DOCK10: variants seen among roughly 807,000 people sequenced by gnomAD.
DOCK10 encodes the protein dedicator of cytokinesis protein 10.
A neutral mutation model predicts 280.1 loss-of-function variants in DOCK10; 145 were observed. That is an observed-to-expected ratio of 0.52 (90% CI 0.45 to 0.59). DOCK10 has a LOEUF of 0.59. Among genes scored for constraint, DOCK10 ranks in the 20% least tolerant of loss-of-function variants. The pLI is 0.00. For synonymous variants in DOCK10, 915 were observed against 942.2 expected (o/e 0.97, Z 0.53); for missense variants, 2,368 against 2,651.7 (o/e 0.89, Z 2.35).
chr2:225,015,769 G>A (rs1036743800), intron 1 of DOCK10, among the ~76,000 whole-genome samples: 5 of 152,058 alleles, frequency 3.3e-5, no homozygotes, highest in South Asian at 2.1e-4. Context: ...TTGTGTTGCC[G>A]TTTCATTTCT....
chr2:224,851,217 A>G (rs1696706867), intron 18 of DOCK10, among the ~76,000 whole-genome samples: 1 of 152,148 alleles, frequency 6.6e-6, no homozygotes, highest in Admixed American at 6.6e-5. Flanking sequence ...GCTTTGCTGT[A>G]TCTCTGTGTG....
chr2:224,862,833 A>G (rs1004539360), intron 13 of DOCK10, 87 bp from the exon 14 acceptor site: 7 of 835,522 alleles, frequency 8.4e-6, no homozygotes, highest in Non-Finnish European at 1.2e-5. Context: ...TTTTCATATT[A>G]TTTTATACTG....
At chr2:224,816,309 G>A (rs769845582) in intron 30 of DOCK10, among the ~76,000 whole-genome samples, 12 of 151,068 alleles carry the variant, frequency 7.9e-5, no homozygotes, top group Non-Finnish European at 1.5e-4. Flanking sequence ...TTTGGAGCCC[G>A]TAAAGTGCCT....
Position 224,886,458 on chromosome 2 carries a change from C to T in DOCK10, c.489+1G>A. 6.2e-7 allele frequency: 1 copy of T among 1,609,278 alleles called. No individual in the cohort carries two copies. The highest frequency in any genetic ancestry group is 8.5e-7 in the Non-Finnish European group (1 of 1,177,026). ...CATCTCACTTTCAACTATTTACTTA[C>T]TTCATCCTTATCAGCATCTTCATGG... On this transcript the variant is annotated splice_donor_variant, in intron 5 of 55. Coordinates refer to ENST00000258390, the MANE Select transcript of DOCK10 (RefSeq NM_014689.3). LOFTEE classifies it high-confidence loss of function.
intron 11 of DOCK10, among the ~76,000 whole-genome samples, chr2:224,865,581 G>A (rs566912509): frequency 2.6e-5 from 4 of 152,220 alleles, no homozygotes; most frequent in Non-Finnish European, 4.4e-5. Context: ...CATTAGTGTC[G>A]CAGATACATA....
At chr2:224,767,045 T>TG (rs1690115048) in intron 55 of DOCK10, among the ~76,000 whole-genome samples, 3 of 152,204 alleles carry the variant, frequency 2.0e-5, no homozygotes, top group Non-Finnish European at 4.4e-5. Context: ...CATATGTAGC[T>TG]GAAACAGCAG....
chr2:224,954,979 A>G (rs1703956980), intron 1 of DOCK10, among the ~76,000 whole-genome samples: 1 of 152,206 alleles, frequency 6.6e-6, no homozygotes, highest in Non-Finnish European at 1.5e-5. Flanking sequence ...TTATCTTTTT[A>G]TCTTATAGGG....
At chr2:224,835,701 T>C (rs767441390) in intron 25 of DOCK10, among the ~76,000 whole-genome samples, 2 of 152,232 alleles carry the variant, frequency 1.3e-5, no homozygotes, top group African/African-American at 4.8e-5. Context: ...GACTAGAATC[T>C]AGTCTCTTAC....
At chr2:224,799,937 G>A (rs559417414) in intron 41 of DOCK10, among the ~76,000 whole-genome samples, 4 of 152,282 alleles carry the variant, frequency 2.6e-5, no homozygotes, top group African/African-American at 9.6e-5. Context: ...TGACAATAGT[G>A]AAATGCACAC....
At chr2:224,960,951 G>A (rs1189728557) in intron 1 of DOCK10, among the ~76,000 whole-genome samples, 3 of 151,584 alleles carry the variant, frequency 2.0e-5, no homozygotes, top group African/African-American at 7.3e-5. Context: ...TGTTAGCCAG[G>A]ATGGTCTCGA....
intron 1 of DOCK10, among the ~76,000 whole-genome samples, chr2:224,972,430 G>GCATT (rs1427470547): frequency 2.0e-5 from 3 of 151,962 alleles, no homozygotes; most frequent in Non-Finnish European, 4.4e-5. Flanking sequence ...GATATGGCTT[G>GCATT]CATTCATTCA....
intron 11 of DOCK10, among the ~76,000 whole-genome samples, chr2:224,870,487 C>A (rs1303924059): frequency 6.6e-6 from 1 of 152,150 alleles, no homozygotes; most frequent in East Asian, 1.9e-4. Context: ...GCTGCTCTTG[C>A]CATAGTCATC....
At chr2:224,783,919 C>T (rs138041643) in intron 50 of DOCK10, among the ~76,000 whole-genome samples, 47 of 152,118 alleles carry the variant, frequency 3.1e-4, no homozygotes, top group African/African-American at 9.4e-4. Flanking sequence ...ATATTAAATG[C>T]TTTCTCTTTC....
At chr2:224,827,719 A>AT (rs1483013885) in intron 27 of DOCK10, among the ~76,000 whole-genome samples, 1 of 152,158 alleles carries the variant, frequency 6.6e-6, no homozygotes, top group African/African-American at 2.4e-5. Context: ...TTTGTGTTAG[A>AT]TTTTCTCTCC....
chr2:224,974,076 A>G (rs967804812), intron 1 of DOCK10, among the ~76,000 whole-genome samples: 3 of 152,190 alleles, frequency 2.0e-5, no homozygotes, highest in Admixed American at 6.5e-5. Context: ...TGCAATTCTC[A>G]GGGAAGTACT....
chr2:224,819,435 G>A lies in DOCK10; in HGVS notation c.3267+11C>T, dbSNP rs1487629442. 9 of 1,564,548 alleles carry A rather than the reference G, an allele frequency of 5.8e-6. No individual in the cohort carries two copies. The highest frequency in any genetic ancestry group is 2.7e-5 in the African/African-American group (2 of 72,898). Reference sequence around the variant, plus strand: ...GTTTAGAAAACAATCACTCCTGTACGTGGTTCTTACCTTAAGGTCACCGGA... The same window carrying A: ...GTTTAGAAAACAATCACTCCTGTACATGGTTCTTACCTTAAGGTCACCGGA... On this transcript the variant is annotated intron_variant, in intron 29 of 55. Coordinates refer to ENST00000258390, the MANE Select transcript of DOCK10 (RefSeq NM_014689.3).
At chr2:224,932,066 T>C (rs146717041) in intron 1 of DOCK10, among the ~76,000 whole-genome samples, 5 of 152,324 alleles carry the variant, frequency 3.3e-5, no homozygotes, top group Non-Finnish European at 4.4e-5. Context: ...TACTTCCTCA[T>C]GAGTTCTGTT....
chr2:224,840,930 A>T (rs1055965945), intron 23 of DOCK10, among the ~76,000 whole-genome samples: 3 of 152,230 alleles, frequency 2.0e-5, no homozygotes, highest in Non-Finnish European at 4.4e-5. Flanking sequence ...ATACAGCCTT[A>T]AAAAGGAAGG....
At chr2:224,864,810 G>T in intron 12 of DOCK10, 56 bp downstream of exon 12, 1 of 1,604,522 alleles carries the variant, frequency 6.2e-7, no homozygotes, top group Non-Finnish European at 8.5e-7. Flanking sequence ...ATGATCTATT[G>T]GTAAGAATAA....
Sources: gnomAD v4.1 joint callset for allele counts (sites outside exome capture counted in the v4.1 genomes callset) on GRCh38, gnomAD v4.1.1 for gene constraint, MANE v1.5 for transcripts, NCBI Gene and HGNC (gene_info 2026-07-23, HGNC 2026-07-21) for gene names.